FRAS1: variants seen among roughly 807,000 people sequenced by gnomAD.
FRAS1 encodes Fraser extracellular matrix complex subunit 1, also known as extracellular matrix organizing protein FRAS1.
Under a neutral mutation model 435.2 loss-of-function variants are expected in FRAS1, and 290 were observed. The ratio of observed to expected loss-of-function variants is 0.67; its 90% CI spans 0.61 to 0.73. The LOEUF is 0.73. Among genes scored for constraint, FRAS1 ranks in the 30% least tolerant of loss-of-function variants. The pLI, the probability that FRAS1 is intolerant of heterozygous loss-of-function variation, is 0.00. For synonymous variants in FRAS1, 1,800 were observed against 1,851.0 expected, an observed-to-expected ratio of 0.97 and a Z score of 0.71; for missense variants, 4,860 against 5,001.5, an observed-to-expected ratio of 0.97 and a Z score of 0.85.
chr4:78,296,692 C>A (rs902665018), intron 14 of FRAS1, among the ~76,000 whole-genome samples: 4 of 152,216 alleles, frequency 2.6e-5, no homozygotes, highest in African/African-American at 7.2e-5. Context: ...TCCCTGCAGG[C>A]TGTAATTCTT....
intron 19 of FRAS1, 143 bp from the exon 20 acceptor site, chr4:78,337,531 T>C: frequency 1.1e-6 from 1 of 906,404 alleles, no homozygotes; most frequent in East Asian, 2.5e-5. Flanking sequence ...GGTCCAAGGG[T>C]GTGCCCGGCT....
At chr4:78,398,647 A>G (rs1732764307) in intron 29 of FRAS1, among the ~76,000 whole-genome samples, 1 of 152,188 alleles carries the variant, frequency 6.6e-6, no homozygotes, top group Non-Finnish European at 1.5e-5. Flanking sequence ...CATAACCAAA[A>G]TCAAAGTTCA....
chr4:78,528,028 A>G (rs1017166816), intron 70 of FRAS1, among the ~76,000 whole-genome samples: 2 of 152,112 alleles, frequency 1.3e-5, no homozygotes, highest in African/African-American at 4.8e-5. Flanking sequence ...AGCAGGTGAA[A>G]GGAGAATTGG....
intron 27 of FRAS1, among the ~76,000 whole-genome samples, chr4:78,382,760 G>A (rs1319959482): frequency 6.6e-6 from 1 of 152,192 alleles, no homozygotes; most frequent in Non-Finnish European, 1.5e-5. Context: ...CACAACCATA[G>A]TCAATATGTA....
intron 38 of FRAS1, among the ~76,000 whole-genome samples, chr4:78,433,954 A>G (rs1734312254): frequency 6.6e-6 from 1 of 152,126 alleles, no homozygotes; most frequent in Admixed American, 6.6e-5. Flanking sequence ...GAGCAGAAAA[A>G]CTCCAAAAGA....
rs116384892 is a variant in FRAS1, at chr4:78,204,311, C to T, written c.109-33199C>T. ...AACTACCATGAATAATGAGAATCAG[C>T]TCTATATGGACTAGCTAAACATCTG... On this transcript the variant is annotated intron_variant, in intron 2 of 73. Transcript: ENST00000512123. 3.9e-3 allele frequency among the ~76,000 whole-genome samples: 588 copies of T among 152,238 alleles called. 3 individuals are homozygous for T. The highest frequency in any genetic ancestry group is 6.8e-3 in the Middle Eastern group (2 of 294).
chr4:78,096,138 C>T lies in FRAS1; in HGVS notation c.108+30122C>T, dbSNP rs376176004. Among the ~76,000 whole-genome samples, 7 of 152,210 alleles carry T rather than the reference C, an allele frequency of 4.6e-5. No homozygotes were observed. The East Asian group carries it at 7.7e-4, about 17-fold the overall frequency. ...TTGGCCAAAACAAAAGGGCTGCAGG[C>T]CCCATACAATTCTGAAATTCAGCAG... On this transcript the variant is annotated intron_variant, in intron 2 of 73. Transcript: ENST00000512123.
intron 2 of FRAS1, among the ~76,000 whole-genome samples, chr4:78,211,179 C>G (rs1045034501): frequency 6.6e-6 from 1 of 152,004 alleles, no homozygotes; most frequent in South Asian, 2.1e-4. Context: ...GGGTTATAGA[C>G]AGGGAAAGGA....
In FRAS1 at chr4:78,539,314, A is replaced by G. The variant is rs755053050; in HGVS notation, c.11319A>G (p.Val3773=). Residue 3773 remains valine, a synonymous_variant, in exon 73 of 74, where the codon GTA becomes GTG. Transcript: ENST00000512123. Reference sequence around the variant, plus strand: ...CCTAGGACCGCAATCAGCCAGAGGTAACTGATAAGTACTTCCATGATGTGC... The same window carrying G: ...CCTAGGACCGCAATCAGCCAGAGGTGACTGATAAGTACTTCCATGATGTGC... The part of the protein sequence containing the change: ...FLLLDRNQPE[V]TDKYFHDVPF... The G allele has an allele frequency of 5.0e-5, 80 of 1,608,208 alleles. No homozygotes were observed. Among genetic ancestry groups the G allele is most frequent in the Admixed American group, 5.1e-5 (3 of 58,520 alleles).
chr4:78,067,845 C>A, intron 2 of FRAS1, among the ~76,000 whole-genome samples: 1 of 149,008 alleles, frequency 6.7e-6, no homozygotes, highest in East Asian at 2.0e-4. Flanking sequence ...AGCTGCACAC[C>A]ACCACACCCA....
At chr4:78,477,458 G>A (rs1719884288) in intron 54 of FRAS1, among the ~76,000 whole-genome samples, 1 of 152,170 alleles carries the variant, frequency 6.6e-6, no homozygotes, top group Non-Finnish European at 1.5e-5. Context: ...TCCAAGGCCA[G>A]AGTTCTTCCA....
At chr4:78,438,200 A>G (rs1734504526) in intron 38 of FRAS1, among the ~76,000 whole-genome samples, 1 of 152,202 alleles carries the variant, frequency 6.6e-6, no homozygotes, top group African/African-American at 2.4e-5. Context: ...ATCTGTGTTT[A>G]CAGGTTGATG....
At chr4:78,199,298 T>C (rs562294786) in intron 2 of FRAS1, among the ~76,000 whole-genome samples, 3 of 152,336 alleles carry the variant, frequency 2.0e-5, no homozygotes, top group South Asian at 4.1e-4. Flanking sequence ...TTAAGAACAG[T>C]GGCTCAAGTG....
intron 22 of FRAS1, 150 bp from the exon 23 acceptor site, chr4:78,369,688 T>C (rs1731421545): frequency 2.0e-6 from 1 of 504,006 alleles, no homozygotes; most frequent in African/African-American, 2.0e-5. Flanking sequence ...TCTGTTTTTG[T>C]TGATCACAGG....
At chr4:78,131,385 CTT>C (rs1719673627) in intron 2 of FRAS1, among the ~76,000 whole-genome samples, 1 of 152,154 alleles carries the variant, frequency 6.6e-6, no homozygotes, top group Non-Finnish European at 1.5e-5. Flanking sequence ...CATCTAAACT[CTT>C]TATTCTTCTT....
At chr4:78,324,667 A>G (rs1195939069) in intron 18 of FRAS1, among the ~76,000 whole-genome samples, 2 of 151,088 alleles carry the variant, frequency 1.3e-5, no homozygotes, top group African/African-American at 2.4e-5. Context: ...ATAGTTGCCC[A>G]GAACTAATTT....
chr4:78,217,157 A>T (rs779609762), intron 2 of FRAS1, among the ~76,000 whole-genome samples: 6 of 151,990 alleles, frequency 3.9e-5, no homozygotes, highest in Non-Finnish European at 5.9e-5. Flanking sequence ...CAGCTGAAGG[A>T]GAGAGAGAGA....
intron 2 of FRAS1, among the ~76,000 whole-genome samples, chr4:78,187,005 G>A (rs1722301235): frequency 6.6e-6 from 1 of 152,180 alleles, no homozygotes; most frequent in Non-Finnish European, 1.5e-5. Context: ...AAATATTTTT[G>A]AGGGAATGCA....
At chr4:78,305,843 G>C (rs1487331560) in intron 14 of FRAS1, among the ~76,000 whole-genome samples, 2 of 151,314 alleles carry the variant, frequency 1.3e-5, no homozygotes, top group Non-Finnish European at 2.9e-5. Flanking sequence ...CTTTTAATTG[G>C]AGCATTTAGT....
Sources: gnomAD v4.1 joint callset for allele counts (sites outside exome capture counted in the v4.1 genomes callset) on GRCh38, gnomAD v4.1.1 for gene constraint, MANE v1.5 for transcripts, NCBI Gene and HGNC (gene_info 2026-07-23, HGNC 2026-07-21) for gene names.